FNDC3A: variants seen among roughly 807,000 people sequenced by gnomAD.
The protein encoded by FNDC3A is fibronectin type-III domain-containing protein 3A.
A neutral mutation model predicts 148.9 loss-of-function variants in FNDC3A; 32 were observed. The ratio of observed to expected loss-of-function variants is 0.21; its 90% CI spans 0.16 to 0.29. The LOEUF (loss-of-function observed/expected upper bound fraction) is 0.29, where lower values mean the gene tolerates loss of function less well. FNDC3A is among the 10% of genes least tolerant of loss of function. The pLI is 1.00. For synonymous variants in FNDC3A, 472 were observed against 473.6 expected, an observed-to-expected ratio of 1.00 and a Z score of 0.04; for missense variants, 1,191 against 1,452.8, an observed-to-expected ratio of 0.82 and a Z score of 2.93.
chr13:49,138,979 T>TG (rs1282146148), intron 7 of FNDC3A, among the ~76,000 whole-genome samples, 174 bp downstream of exon 7: 4 of 152,220 alleles, frequency 2.6e-5, no homozygotes, highest in Non-Finnish European at 4.4e-5. Context: ...TCTATGTCAT[T>TG]ACCTGATTCT....
intron 2 of FNDC3A, among the ~76,000 whole-genome samples, chr13:49,040,041 G>A (rs17466062): frequency 0.012 from 1,850 of 152,176 alleles, 23 homozygotes; most frequent in Middle Eastern, 0.02. Flanking sequence ...ACAGTTTTGT[G>A]TACATATTTT....
intron 4 of FNDC3A, among the ~76,000 whole-genome samples, chr13:49,120,201 A>G (rs1021643763): frequency 1.1e-4 from 16 of 152,348 alleles, no homozygotes; most frequent in African/African-American, 3.8e-4. Flanking sequence ...TTCTTAAAGG[A>G]AAGAATTTTC....
intron 1 of FNDC3A, among the ~76,000 whole-genome samples, chr13:48,999,044 G>T (rs1952076821): frequency 1.3e-5 from 2 of 152,186 alleles, no homozygotes; most frequent in Non-Finnish European, 2.9e-5. Flanking sequence ...GGCCCAAAGG[G>T]CAAGGCTGCT....
At chr13:49,059,786 C>A (rs1180206239) in intron 2 of FNDC3A, among the ~76,000 whole-genome samples, 1 of 152,112 alleles carries the variant, frequency 6.6e-6, no homozygotes, top group African/African-American at 2.4e-5. Flanking sequence ...TCATGTATCT[C>A]TTAAGGGTCT....
chr13:49,149,329 C>T (rs1883162968), intron 8 of FNDC3A, among the ~76,000 whole-genome samples: 1 of 151,950 alleles, frequency 6.6e-6, no homozygotes, highest in Non-Finnish European at 1.5e-5. Context: ...ATGATGTTAG[C>T]TATGGGTCTG....
At chr13:49,001,244 C>A (rs1455925582) in intron 1 of FNDC3A, among the ~76,000 whole-genome samples, 3 of 152,168 alleles carry the variant, frequency 2.0e-5, no homozygotes, top group Non-Finnish European at 4.4e-5. Flanking sequence ...ATTTCATAGA[C>A]ACTTATCACT....
At chr13:48,985,929 A>G (rs777187817) in intron 1 of FNDC3A, among the ~76,000 whole-genome samples, 17 of 152,220 alleles carry the variant, frequency 1.1e-4, no homozygotes, top group Non-Finnish European at 2.4e-4. Context: ...CCTGATTAGG[A>G]CCATTCCTCC....
Position 49,131,287 on chromosome 13 carries a change from C to T in FNDC3A, c.403C>T (p.His135Tyr). Residue 135 changes from histidine (H) to tyrosine (Y), a missense_variant, in exon 5 of 26, where the codon CAT becomes TAT. This residue lies in a region of FNDC3A where 426 missense variants were observed against 473.2 expected (regional missense o/e 0.90). Transcript: ENST00000492622. ...AACTATGATGCCGCCTCCACCACGT[C>T]ATATGTACTCACCCGTGACTGGAGC... Reference protein sequence around the residue: ...VPTMMPPPPRHMYSPVTGAGD... With the variant: ...VPTMMPPPPRYMYSPVTGAGD... The T allele has an allele frequency of 6.2e-7, 1 of 1,614,010 alleles. No individual in the cohort carries two copies. The highest frequency in any genetic ancestry group is 8.5e-7 in the Non-Finnish European group (1 of 1,179,986).
intron 2 of FNDC3A, among the ~76,000 whole-genome samples, chr13:49,050,152 G>A (rs1189515203): frequency 6.6e-6 from 1 of 152,036 alleles, no homozygotes; most frequent in Non-Finnish European, 1.5e-5. Flanking sequence ...GTTCCACTCT[G>A]ATGTTCGTTA....
upstream of FNDC3A, chr13:48,975,814 G>C (rs1028146965): frequency 6.6e-6 from 1 of 151,712 alleles, no homozygotes; most frequent in Non-Finnish European, 1.5e-5. Context: ...AGAGAGCCCC[G>C]GCGCGGCGGG....
intron 13 of FNDC3A, among the ~76,000 whole-genome samples, chr13:49,176,185 C>G (rs1176346608): frequency 6.6e-6 from 1 of 152,138 alleles, no homozygotes; most frequent in Non-Finnish European, 1.5e-5. Context: ...GTTTTGGTAT[C>G]AGGATGATGC....
At chr13:49,104,904 A>G (rs1419323364) in intron 3 of FNDC3A, among the ~76,000 whole-genome samples, 1 of 152,238 alleles carries the variant, frequency 6.6e-6, no homozygotes, top group Non-Finnish European at 1.5e-5. Flanking sequence ...TTTTTAGGAT[A>G]CAAACACACA....
intron 25 of FNDC3A, among the ~76,000 whole-genome samples, chr13:49,203,675 G>T (rs1375454087): frequency 6.6e-6 from 1 of 152,186 alleles, no homozygotes; most frequent in African/African-American, 2.4e-5. Flanking sequence ...AGTGGAGGGG[G>T]AGGGCACTGA....
chr13:48,998,957 A>C (rs952014055), intron 1 of FNDC3A, among the ~76,000 whole-genome samples: 2 of 152,230 alleles, frequency 1.3e-5, no homozygotes, highest in Non-Finnish European at 2.9e-5. Flanking sequence ...TGATCATTTC[A>C]GAAAAGGGAG....
chr13:49,042,378 A>G (rs1197054447), intron 2 of FNDC3A, among the ~76,000 whole-genome samples: 1 of 151,878 alleles, frequency 6.6e-6, no homozygotes, highest in Non-Finnish European at 1.5e-5. Flanking sequence ...ATCTTCCAGC[A>G]TTTCTTTATT....
At position 49,140,311 on chromosome 13, in the gene FNDC3A, G is replaced by A. The variant is rs148302211; in HGVS notation, c.819+1506G>A. ...AGATTGTGCCTTTTCACTCCAGCCTGGGTGACAGAGCAAGAACCTGTCTCA... is the reference window on the plus strand; with the variant it reads ...AGATTGTGCCTTTTCACTCCAGCCTAGGTGACAGAGCAAGAACCTGTCTCA... On this transcript the variant is annotated intron_variant, in intron 7 of 25. Coordinates refer to ENST00000492622, the MANE Select transcript of FNDC3A (RefSeq NM_001079673.2). Among the ~76,000 whole-genome samples the A allele has an allele frequency of 1.4e-3, 217 of 152,192 alleles. 3 individuals are homozygous for A. Among genetic ancestry groups the A allele is most frequent in the Admixed American group, 7.3e-3 (111 of 15,288 alleles).
At chr13:49,111,095 A>G (rs1042546147) in intron 3 of FNDC3A, among the ~76,000 whole-genome samples, 1 of 152,226 alleles carries the variant, frequency 6.6e-6, no homozygotes, top group Non-Finnish European at 1.5e-5. Context: ...ACATTTGTCA[A>G]TAGGATCTGA....
intron 2 of FNDC3A, among the ~76,000 whole-genome samples, chr13:49,038,970 G>A (rs1324891944): frequency 6.6e-6 from 1 of 152,138 alleles, no homozygotes; most frequent in Non-Finnish European, 1.5e-5. Flanking sequence ...AGAGGGACCT[G>A]AATACATATA....
At chr13:49,202,749 GC>G (rs1387399107) in intron 24 of FNDC3A, among the ~76,000 whole-genome samples, 1 of 152,186 alleles carries the variant, frequency 6.6e-6, no homozygotes, top group Non-Finnish European at 1.5e-5. Context: ...ACACCTATAA[GC>G]CCAGTGCTTT....
Sources: allele counts gnomAD v4.1 joint callset (sites outside exome capture counted in the v4.1 genomes callset), GRCh38; gene constraint gnomAD v4.1.1; regional missense constraint gnomAD v4.1.1; transcripts MANE v1.5; gene names NCBI Gene and HGNC (gene_info 2026-07-23, HGNC 2026-07-21).